ATP8A1: variants seen among roughly 807,000 people sequenced by gnomAD.
ATP8A1 encodes phospholipid-transporting ATPase IA.
A neutral mutation model predicts 177.7 loss-of-function variants in ATP8A1; 90 were observed. The ratio of observed to expected loss-of-function variants is 0.51; its 90% CI spans 0.43 to 0.60. The LOEUF is 0.60. ATP8A1 is among the 20% of genes least tolerant of loss of function. ATP8A1 has a pLI of 0.00. For synonymous variants in ATP8A1, 493 were observed against 485.9 expected (o/e 1.01, Z -0.19); for missense variants, 1,072 against 1,392.8 (o/e 0.77, Z 3.67).
chr4:42,564,514 T>G (rs1354869860), intron 15 of ATP8A1, among the ~76,000 whole-genome samples: 1 of 152,186 alleles, frequency 6.6e-6, no homozygotes, highest in African/African-American at 2.4e-5. Context: ...AGGGGATCAT[T>G]TTGGACCTTT....
At chr4:42,595,109 A>G (rs35804436) in intron 6 of ATP8A1, among the ~76,000 whole-genome samples, 29,106 of 152,118 alleles carry the variant, frequency 0.19, 2,787 homozygotes, top group East Asian at 0.26. Flanking sequence ...ACCAAGTTAC[A>G]CTGTTAGCCG....
intron 5 of ATP8A1, among the ~76,000 whole-genome samples, chr4:42,609,106 T>C (rs1736115039): frequency 6.6e-6 from 1 of 152,162 alleles, no homozygotes; most frequent in Non-Finnish European, 1.5e-5. Context: ...TAATAATACA[T>C]ATATTGATGT....
In ATP8A1 at chr4:42,409,626, C is replaced by T. The variant is rs1380311021; in HGVS notation, c.*3290G>A. 1 of 151,996 alleles carries T rather than the reference C, an allele frequency of 6.6e-6. No individual in the cohort carries two copies. Among genetic ancestry groups the T allele is most frequent in the Non-Finnish European group, 1.5e-5 (1 of 67,968 alleles). 9.4% of individuals were successfully genotyped at this position (151,996 alleles called of 1,614,324 possible). ...ACCAGGAACTATCAAAGGGCAACTG[C>T]ACAAAAATAAACACGATTATTTAGC... On this transcript the variant is annotated 3_prime_UTR_variant, in exon 37 of 37. Coordinates refer to ENST00000381668, the MANE Select transcript of ATP8A1 (RefSeq NM_006095.2).
intron 5 of ATP8A1, among the ~76,000 whole-genome samples, chr4:42,603,880 C>T (rs1055709476): frequency 2.0e-5 from 3 of 152,192 alleles, no homozygotes; most frequent in Non-Finnish European, 2.9e-5. Context: ...GTTATAATTA[C>T]ATATTATTAT....
chr4:42,606,937 G>A (rs1363067917), intron 5 of ATP8A1, among the ~76,000 whole-genome samples: 1 of 152,144 alleles, frequency 6.6e-6, no homozygotes, highest in Non-Finnish European at 1.5e-5. Context: ...ACTGAGACAA[G>A]CACAAACTTA....
At chr4:42,596,175 A>G (rs1734695382) in intron 6 of ATP8A1, among the ~76,000 whole-genome samples, 1 of 152,218 alleles carries the variant, frequency 6.6e-6, no homozygotes, top group African/African-American at 2.4e-5. Flanking sequence ...AAAAGTCAAG[A>G]TGACAAAAAT....
intron 9 of ATP8A1, among the ~76,000 whole-genome samples, chr4:42,582,071 T>A (rs1343787858): frequency 2.0e-5 from 3 of 152,134 alleles, no homozygotes; most frequent in African/African-American, 7.2e-5. Context: ...GAAGAGGTCA[T>A]GAGGGTTGGG....
At chr4:42,588,125 C>A in intron 8 of ATP8A1, 135 bp downstream of exon 8, 2 of 615,272 alleles carry the variant, frequency 3.3e-6, no homozygotes, top group Non-Finnish European at 2.7e-6. Flanking sequence ...GTTTATAAAA[C>A]CTCTTTGTTG....
rs1476508857 is a variant in ATP8A1, at chr4:42,464,905, G to A, written c.2496C>T (p.Tyr832=). The A allele has an allele frequency of 1.4e-5, 22 of 1,614,058 alleles. No homozygotes were observed. The highest frequency in any genetic ancestry group is 1.8e-5 in the Non-Finnish European group (21 of 1,180,012). The change falls in exon 26 of 37, where the codon TAC becomes TAT. Residue 832 remains tyrosine (Y), a synonymous_variant. Coordinates refer to ENST00000381668, the MANE Select transcript of ATP8A1 (RefSeq NM_006095.2). ...AATGACGCTTTACCTGAGCTATGGAGTAGTCAGAGGAATTAGCTGCCTGCA... is the reference window on the plus strand; with the variant it reads ...AATGACGCTTTACCTGAGCTATGGAATAGTCAGAGGAATTAGCTGCCTGCA... ...EGLQAANSSD[Y]SIAQFKYLKN...
At chr4:42,506,599 C>G (rs777893772) in intron 23 of ATP8A1, among the ~76,000 whole-genome samples, 2 of 152,182 alleles carry the variant, frequency 1.3e-5, no homozygotes, top group Admixed American at 6.5e-5. Flanking sequence ...TCTTGAACTT[C>G]CAGCTTCTAG....
At chr4:42,418,487 G>C (rs1713500017) in intron 35 of ATP8A1, among the ~76,000 whole-genome samples, 2 of 152,066 alleles carry the variant, frequency 1.3e-5, no homozygotes, top group South Asian at 4.2e-4. Context: ...TAAATGTTCA[G>C]GACTAAGATT....
At chr4:42,417,515 C>T (rs1713381276) in intron 35 of ATP8A1, among the ~76,000 whole-genome samples, 1 of 152,040 alleles carries the variant, frequency 6.6e-6, no homozygotes. Context: ...TATTTCCAAA[C>T]CCACTAAAAT....
At chr4:42,616,221 T>C (rs1179837563) in intron 4 of ATP8A1, 143 bp from the exon 5 acceptor site, 2 of 686,760 alleles carry the variant, frequency 2.9e-6, no homozygotes, top group Admixed American at 2.9e-5. Context: ...AAAGTATACA[T>C]TGATGGAGGA....
At chr4:42,566,770 C>G (rs932891854) in intron 15 of ATP8A1, among the ~76,000 whole-genome samples, 1 of 152,240 alleles carries the variant, frequency 6.6e-6, no homozygotes, top group African/African-American at 2.4e-5. Flanking sequence ...TGTTTTATAA[C>G]CAGGCTGATG....
chr4:42,535,959 A>G (rs1463710190), intron 20 of ATP8A1, among the ~76,000 whole-genome samples: 2 of 152,222 alleles, frequency 1.3e-5, no homozygotes, highest in Admixed American at 1.3e-4. Flanking sequence ...ACACAGCACA[A>G]GGGGTGCTAA....
chr4:42,461,791 A>G (rs1719189508), intron 27 of ATP8A1, among the ~76,000 whole-genome samples: 1 of 152,154 alleles, frequency 6.6e-6, no homozygotes, highest in South Asian at 2.1e-4. Context: ...AAACGTGCGA[A>G]AGTTTGGAAC....
chr4:42,503,150 T>G (rs1164980094), intron 24 of ATP8A1, among the ~76,000 whole-genome samples: 1 of 152,364 alleles, frequency 6.6e-6, no homozygotes, highest in African/African-American at 2.4e-5. Context: ...AATACTTGGA[T>G]ATGAGCAAGT....
At chr4:42,466,022 A>C (rs1470874422) in intron 25 of ATP8A1, among the ~76,000 whole-genome samples, 2 of 122,432 alleles carry the variant, frequency 1.6e-5, no homozygotes, top group African/African-American at 3.3e-5. Context: ...ACAGAGCAAG[A>C]CTCCGTCTCA....
At chr4:42,427,598 T>C (rs146438455) in intron 33 of ATP8A1, among the ~76,000 whole-genome samples, 64 of 152,394 alleles carry the variant, frequency 4.2e-4, no homozygotes, top group African/African-American at 1.4e-3. Flanking sequence ...CACAAACATT[T>C]ATTCCTTTTA....
Sources: gnomAD v4.1 joint callset for allele counts (sites outside exome capture counted in the v4.1 genomes callset) on GRCh38, gnomAD v4.1.1 for gene constraint, MANE v1.5 for transcripts, NCBI Gene and HGNC (gene_info 2026-07-23, HGNC 2026-07-21) for gene names.